Variants in NCOR1 observed in about 807,000 individuals in gnomAD.
NCOR1 encodes nuclear receptor corepressor 1, also known as protein phosphatase 1, regulatory subunit 109.
A neutral mutation model predicts 288.1 loss-of-function variants in NCOR1; 63 were observed. That is an observed-to-expected ratio of 0.22 (90% CI 0.18 to 0.27). The LOEUF (loss-of-function observed/expected upper bound fraction) is 0.27, where lower values mean the gene tolerates loss of function less well. Among genes scored for constraint, NCOR1 ranks in the 10% least tolerant of loss-of-function variants. NCOR1 has a pLI of 1.00. For missense variants in NCOR1, 2,397 were observed against 3,019.2 expected, an observed-to-expected ratio of 0.79 and a Z score of 4.83; for synonymous variants, 1,007 against 1,065.9, an observed-to-expected ratio of 0.94 and a Z score of 1.08.
At position 16,057,537 on chromosome 17, in the gene NCOR1, A is replaced by G. The variant is rs1223386427; in HGVS notation, c.6369T>C (p.Asn2123=). ...ACCTTCCCCTGGATTTGTCCACAAGATTTTCTGGAGAGACCCTTGAACCTG... is the reference window on the plus strand; with the variant it reads ...ACCTTCCCCTGGATTTGTCCACAAGGTTTTCTGGAGAGACCCTTGAACCTG... ...QRPGSRVSPE[N]LVDKSRGSRP... is the part of the protein sequence containing the mutation. Residue 2123 remains asparagine (N), a synonymous_variant, in exon 40 of 46, where the codon AAT becomes AAC. Transcript: ENST00000268712. The G allele has an allele frequency of 6.2e-7, 1 of 1,614,090 alleles. No homozygotes were observed. Among genetic ancestry groups the G allele is most frequent in the Non-Finnish European group, 8.5e-7 (1 of 1,179,998 alleles).
intron 20 of NCOR1, among the ~76,000 whole-genome samples, chr17:16,100,408 A>G (rs1262769314): frequency 6.6e-6 from 1 of 152,220 alleles, no homozygotes; most frequent in Non-Finnish European, 1.5e-5. Flanking sequence ...TGGGAGGCTG[A>G]GATGGGTGGA....
At chr17:16,133,172 T>C (rs1464147968) in intron 14 of NCOR1, among the ~76,000 whole-genome samples, 2 of 152,170 alleles carry the variant, frequency 1.3e-5, no homozygotes, top group Non-Finnish European at 2.9e-5. Flanking sequence ...TTTCAGCATG[T>C]TGCCCAGGCT....
intron 18 of NCOR1, among the ~76,000 whole-genome samples, chr17:16,109,122 T>C (rs1167315352): frequency 6.6e-6 from 1 of 151,776 alleles, no homozygotes; most frequent in African/African-American, 2.4e-5. Flanking sequence ...TTTATCAAAC[T>C]AAGCAAAAGT....
intron 42 of NCOR1, among the ~76,000 whole-genome samples, chr17:16,045,671 G>A (rs1456343560): frequency 6.6e-6 from 1 of 151,910 alleles, no homozygotes; most frequent in Non-Finnish European, 1.5e-5. Flanking sequence ...ACCATGACCA[G>A]CTGTTTATAT....
intron 42 of NCOR1, among the ~76,000 whole-genome samples, chr17:16,042,315 ATATT>A (rs2057873569): frequency 6.6e-6 from 1 of 152,332 alleles, no homozygotes; most frequent in African/African-American, 2.4e-5. Flanking sequence ...CATTTGATAG[ATATT>A]TAATTGAGCA....
At position 16,101,130 on chromosome 17, in the gene NCOR1, C is replaced by T; in HGVS notation, c.2690+120G>A. The T allele has an allele frequency of 3.1e-6, 3 of 975,922 alleles. No individual in the cohort carries two copies. The East Asian group carries it at 7.2e-5, about 24-fold the overall frequency. The allele number at this position is 975,922 out of a possible 1,614,324, so 60.5% of individuals were successfully genotyped here. On this transcript the variant is annotated intron_variant, in intron 20 of 45. Transcript: ENST00000268712. ...GTATCAGCCCAATATTAAAATTGTA[C>T]AGACTACCTATAACGTGCCAATATT...
chr17:16,124,315 A>G (rs1329140005), intron 15 of NCOR1, among the ~76,000 whole-genome samples: 1 of 147,446 alleles, frequency 6.8e-6, no homozygotes, highest in East Asian at 1.9e-4. Context: ...AAAAGAAGCC[A>G]TACATACTGT....
chr17:16,159,889 A>G (rs1179773449), intron 5 of NCOR1, among the ~76,000 whole-genome samples: 4 of 148,090 alleles, frequency 2.7e-5, no homozygotes, highest in African/African-American at 7.5e-5. Flanking sequence ...CCAAGGCTGG[A>G]GTGCAATGGC....
chr17:16,033,718 A>G (rs2151814307), intron 45 of NCOR1, among the ~76,000 whole-genome samples: 1 of 152,348 alleles, frequency 6.6e-6, no homozygotes, highest in Admixed American at 6.5e-5. Context: ...AAGTTTACAA[A>G]TAGGCACAAA....
intron 2 of NCOR1, among the ~76,000 whole-genome samples, chr17:16,194,168 G>A (rs1799518772): frequency 6.6e-6 from 1 of 152,104 alleles, no homozygotes; most frequent in Non-Finnish European, 1.5e-5. Flanking sequence ...CAACTTGGGA[G>A]TATAAATATA....
intron 14 of NCOR1, among the ~76,000 whole-genome samples, chr17:16,127,086 A>C (rs1018343145): frequency 6.7e-6 from 1 of 149,748 alleles, no homozygotes; most frequent in Non-Finnish European, 1.5e-5. Context: ...ATACAAATCA[A>C]AGTTTATCAT....
At chr17:16,110,565 A>C (rs900519413) in intron 18 of NCOR1, among the ~76,000 whole-genome samples, 5 of 152,182 alleles carry the variant, frequency 3.3e-5, no homozygotes, top group Admixed American at 6.5e-5. Context: ...AGAAGGCTTA[A>C]TATCTTCTGT....
intron 10 of NCOR1, among the ~76,000 whole-genome samples, chr17:16,145,447 T>A (rs1452279658): frequency 1.6e-5 from 2 of 123,568 alleles, no homozygotes; most frequent in African/African-American, 5.3e-5. Flanking sequence ...TCGTCTGGGA[T>A]GTGGGGAGTG....
At chr17:16,157,712 A>C (rs2080046290) in intron 6 of NCOR1, among the ~76,000 whole-genome samples, 1 of 152,100 alleles carries the variant, frequency 6.6e-6, no homozygotes, top group South Asian at 2.1e-4. Flanking sequence ...CACAGTATAA[A>C]GCATATTATC....
At chr17:16,177,530 C>T (rs2084452843) in intron 3 of NCOR1, among the ~76,000 whole-genome samples, 1 of 152,102 alleles carries the variant, frequency 6.6e-6, no homozygotes, top group African/African-American at 2.4e-5. Flanking sequence ...CTTTTTCTGG[C>T]ATGTAGTCAT....
intron 25 of NCOR1, 130 bp downstream of exon 25, chr17:16,080,278 G>T: frequency 2.2e-6 from 2 of 922,444 alleles, no homozygotes; most frequent in Non-Finnish European, 3.2e-6. Context: ...ACTTTTACAT[G>T]GAAAGAAAAC....
chr17:16,101,106 T>C, intron 20 of NCOR1, 144 bp downstream of exon 20: 1 of 753,390 alleles, frequency 1.3e-6, no homozygotes, highest in Non-Finnish European at 2.1e-6. Flanking sequence ...AACAGAACAG[T>C]ATCAGCCCAA....
At chr17:16,207,508 G>A (rs1394107003) in intron 1 of NCOR1, among the ~76,000 whole-genome samples, 5 of 152,090 alleles carry the variant, frequency 3.3e-5, no homozygotes, top group East Asian at 1.9e-4. Context: ...TTGGGAGGCC[G>A]AGGCAGGCGG....
At chr17:16,171,750 T>A (rs1294678078) in intron 4 of NCOR1, 53 bp downstream of exon 4, 1 of 1,415,908 alleles carries the variant, frequency 7.1e-7, no homozygotes, top group African/African-American at 1.5e-5. Context: ...TGAGTATAAC[T>A]AAATAAACAT....
Sources: gnomAD v4.1 joint callset for allele counts (sites outside exome capture counted in the v4.1 genomes callset) on GRCh38, gnomAD v4.1.1 for gene constraint, MANE v1.5 for transcripts, NCBI Gene and HGNC (gene_info 2026-07-23, HGNC 2026-07-21) for gene names.